The following CEP57L1 variants were observed in gnomAD, a reference collection of about 807,000 sequenced individuals.
CEP57L1 encodes the protein centrosomal protein 57 like 1.
CEP57L1 carries 37 observed loss-of-function variants against 61.0 expected under a neutral mutation model. The observed-to-expected ratio is 0.61, with a 90% CI of 0.47 to 0.80. The LOEUF (loss-of-function observed/expected upper bound fraction) is 0.80. CEP57L1 is among the 30% of genes least tolerant of loss of function. The probability of loss-of-function intolerance (pLI) is 0.00; values close to 1 mark genes in which losing one functional copy is unlikely to be tolerated. For missense variants in CEP57L1, 422 were observed against 524.7 expected (o/e 0.80, Z 1.91); for synonymous variants, 137 against 162.3 (o/e 0.84, Z 1.19).
rs1029873891 is a variant in CEP57L1, at chr6:109,168,589, C to G, written c.*5619C>G. On this transcript the variant is annotated 3_prime_UTR_variant, in exon 11 of 11. Coordinates refer to ENST00000517392, the MANE Select transcript of CEP57L1 (RefSeq NM_001271852.3). ...AATCAATTTAGCGGGTCACTACCAG[C>G]ATTTTTTTTTTTTTTTTTTTTTTGA... 5.9e-5 allele frequency among the ~76,000 whole-genome samples: 8 copies of G among 135,260 alleles called. No individual in the cohort carries two copies. Among genetic ancestry groups the G allele is most frequent in the Non-Finnish European group, 1.1e-4 (7 of 62,630 alleles). 88.7% of individuals were successfully genotyped at this position (135,260 alleles called of 152,430 possible).
Position 109,169,649 on chromosome 6 carries a change from A to T in CEP57L1, c.*6679A>T, listed in dbSNP as rs1774312007. 6.6e-6 allele frequency among the ~76,000 whole-genome samples: 1 copy of T among 152,222 alleles called. No individual in the cohort carries two copies. Among genetic ancestry groups the T allele is most frequent in the South Asian group, 2.1e-4 (1 of 4,828 alleles). ...TACATTCAGTATGAATCCCTTAACA[A>T]AATGACCTCATTATGCTACCTCTTG... On this transcript the variant is annotated 3_prime_UTR_variant, in exon 11 of 11. Transcript: ENST00000517392.
intron 1 of CEP57L1, among the ~76,000 whole-genome samples, chr6:109,127,706 C>T (rs1403418932): frequency 1.3e-5 from 2 of 151,922 alleles, no homozygotes; most frequent in Non-Finnish European, 1.5e-5. Context: ...CTGCAACCTC[C>T]GCCTCCTGGG....
chr6:109,164,464 G>A lies in CEP57L1; in HGVS notation c.*1494G>A, dbSNP rs930666876. Among the ~76,000 whole-genome samples, 4 of 152,100 alleles carry A rather than the reference G, an allele frequency of 2.6e-5. No individual in the cohort carries two copies. The highest frequency in any genetic ancestry group is 5.9e-5 in the Non-Finnish European group (4 of 68,026). ...TCCTCCTGTTGTAAATAGTGCATGT[G>A]CCCTTTGCCAGCTTTCACTCCCACT... On this transcript the variant is annotated 3_prime_UTR_variant, in exon 11 of 11. Coordinates refer to ENST00000517392, the MANE Select transcript of CEP57L1 (RefSeq NM_001271852.3).
At chr6:109,095,648 G>A in intron 1 of CEP57L1, 73 bp downstream of exon 1, 5 of 949,210 alleles carry the variant, frequency 5.3e-6, no homozygotes, top group Non-Finnish European at 6.3e-6. Flanking sequence ...CTGGGATTTT[G>A]GAGACAAAGC....
At chr6:109,120,609 G>GATATTAAAAAACA (rs1329780308) in intron 1 of CEP57L1, among the ~76,000 whole-genome samples, 33 of 151,698 alleles carry the variant, frequency 2.2e-4, no homozygotes, top group Middle Eastern at 3.4e-3. Context: ...ATGTTAACGG[G>GATATTAAAAAACA]GGTTCTGTGT....
Position 109,172,981 on chromosome 6 carries a change from G to T in CEP57L1, c.*10011G>T, listed in dbSNP as rs768005219. Reference sequence around the variant, plus strand: ...TTACCTCAGCCAAGTTGCTTGGACTGCTTTGCTTAATAATGGGTTTGCCAT... The same window carrying T: ...TTACCTCAGCCAAGTTGCTTGGACTTCTTTGCTTAATAATGGGTTTGCCAT... On this transcript the variant is annotated 3_prime_UTR_variant, in exon 11 of 11. Transcript: ENST00000517392. 9.9e-5 allele frequency among the ~76,000 whole-genome samples: 15 copies of T among 152,174 alleles called. No homozygotes were observed. The highest frequency in any genetic ancestry group is 1.9e-4 in the Non-Finnish European group (13 of 68,042).
chr6:109,123,793 G>A (rs559689717), intron 1 of CEP57L1, among the ~76,000 whole-genome samples: 113 of 152,234 alleles, frequency 7.4e-4, no homozygotes, highest in African/African-American at 2.6e-3. Flanking sequence ...TTCTGGCCAG[G>A]CATGGTGGTT....
Position 109,173,184 on chromosome 6 carries a change from TTTAA to T in CEP57L1, c.*10217_*10220del. 6.6e-6 allele frequency among the ~76,000 whole-genome samples: 1 copy of T among 152,344 alleles called. No homozygotes were observed. The highest frequency in any genetic ancestry group is 1.5e-5 in the Non-Finnish European group (1 of 68,036). ...CATGTATACCATTGTTTGTGTACTT[TTTAA>T]TTGTGTCATTTTCTACAGTATTATT... On this transcript the variant is annotated 3_prime_UTR_variant, in exon 11 of 11. Transcript: ENST00000517392.
chr6:109,133,137 A>G (rs552460405), intron 1 of CEP57L1, among the ~76,000 whole-genome samples: 2 of 152,334 alleles, frequency 1.3e-5, no homozygotes, highest in African/African-American at 4.8e-5. Flanking sequence ...CATATTTCTG[A>G]GTACCTTACT....
At chr6:109,123,018 C>G (rs1388350470) in intron 1 of CEP57L1, among the ~76,000 whole-genome samples, 1 of 151,950 alleles carries the variant, frequency 6.6e-6, no homozygotes, top group Admixed American at 6.6e-5. Flanking sequence ...GGGCCGTATC[C>G]CTAGAATTTC....
In CEP57L1 at chr6:109,167,327, GA is replaced by G. The variant is rs1037988102; in HGVS notation, c.*4359del. Among the ~76,000 whole-genome samples the G allele has an allele frequency of 3.4e-5, 5 of 147,852 alleles. No individual in the cohort carries two copies. Among genetic ancestry groups the G allele is most frequent in the Non-Finnish European group, 4.5e-5 (3 of 67,022 alleles). On this transcript the variant is annotated 3_prime_UTR_variant, in exon 11 of 11. Coordinates refer to ENST00000517392, the MANE Select transcript of CEP57L1 (RefSeq NM_001271852.3). Reference sequence around the variant, plus strand: ...AGATTGTTTACTTAAAGAATTAGGTGAATTTTTTTTTTCCTGGTAGGTTTAT... The same window carrying G: ...AGATTGTTTACTTAAAGAATTAGGTGATTTTTTTTTTCCTGGTAGGTTTAT...
chr6:109,155,043 CAAAG>C (rs1773076821), intron 5 of CEP57L1, among the ~76,000 whole-genome samples, 183 bp from the exon 6 acceptor site: 1 of 151,930 alleles, frequency 6.6e-6, no homozygotes, highest in South Asian at 2.1e-4. Context: ...GGTAAAGAAG[CAAAG>C]AAAGAAGTGG....
rs573015861 is a variant in CEP57L1, at chr6:109,122,643, A to G, written c.-3-22576A>G. Among the ~76,000 whole-genome samples the G allele has an allele frequency of 6.6e-5, 10 of 152,228 alleles. No homozygotes were observed. The South Asian group carries it at 2.1e-3, about 32-fold the overall frequency. On this transcript the variant is annotated intron_variant, in intron 1 of 10. Transcript: ENST00000517392. The stretch of plus-strand genomic sequence containing the variant: ...TAGTGAAACCCCATCTCTACTAAAG[A>G]TACAAAAAATTAGCCGGGCATGGTG...
At position 109,154,448 on chromosome 6, in the gene CEP57L1, GGTTATATGTATATATGGTGCCTGTCAAGT is replaced by G. The variant is rs534649705; in HGVS notation, c.579+500_579+528del. On this transcript the variant is annotated intron_variant, in intron 5 of 10. Transcript: ENST00000517392. ...TAAGACATAATACTTACATATATAA[GGTTATATGTATATATGGTGCCTGTCAAGT>G]TATTTCCTTGCTTTGTTGTTTTGTT... Among the ~76,000 whole-genome samples, 288 of 152,076 alleles carry G rather than the reference GGTTATATGTATATATGGTGCCTGTCAAGT, an allele frequency of 1.9e-3. 2 individuals are homozygous for G. The highest frequency in any genetic ancestry group is 6.6e-3 in the African/African-American group (275 of 41,504).
At chr6:109,106,525 T>G (rs1770950750) in intron 1 of CEP57L1, among the ~76,000 whole-genome samples, 1 of 152,202 alleles carries the variant, frequency 6.6e-6, no homozygotes, top group South Asian at 2.1e-4. Flanking sequence ...AAGTTGTCAT[T>G]TTTTATATGC....
At chr6:109,138,792 C>T (rs918212694) in intron 1 of CEP57L1, among the ~76,000 whole-genome samples, 10 of 152,150 alleles carry the variant, frequency 6.6e-5, no homozygotes, top group African/African-American at 2.4e-4. Context: ...CAATAGTCCC[C>T]CCTTGTCCAT....
At chr6:109,155,967 A>G in intron 7 of CEP57L1, 90 bp downstream of exon 7, 1 of 578,392 alleles carries the variant, frequency 1.7e-6, no homozygotes, top group Non-Finnish European at 3.0e-6. Context: ...CTTTCCAAAA[A>G]GGATTTGAAG....
intron 1 of CEP57L1, among the ~76,000 whole-genome samples, chr6:109,095,978 G>C (rs1781650951): frequency 6.6e-6 from 1 of 152,120 alleles, no homozygotes; most frequent in South Asian, 2.1e-4. Flanking sequence ...TGAAATCCTA[G>C]GCAGGGCTTT....
In CEP57L1 at chr6:109,142,621, G is replaced by GA. The variant is rs377523803; in HGVS notation, c.-3-2586dup. Among the ~76,000 whole-genome samples the GA allele has an allele frequency of 3.0e-3, 426 of 140,618 alleles. 5 individuals carry two copies. Among genetic ancestry groups the GA allele is most frequent in the African/African-American group, 8.7e-3 (330 of 37,836 alleles). The allele number at this position is 140,618 out of a possible 152,430, so 92.3% of individuals were successfully genotyped here. On this transcript the variant is annotated intron_variant, in intron 1 of 10. Transcript: ENST00000517392. ...AAGAAAAAATAAATAAAAATTTTAA[G>GA]AAAAAAAAAAAAGGTACAACTTGAG...
Sources: allele counts gnomAD v4.1 joint callset (sites outside exome capture counted in the v4.1 genomes callset), GRCh38; gene constraint gnomAD v4.1.1; transcripts MANE v1.5; gene names NCBI Gene and HGNC (gene_info 2026-07-23, HGNC 2026-07-21).